Variants in PRICKLE1 observed in about 807,000 individuals in gnomAD.
PRICKLE1 encodes the protein prickle planar cell polarity protein 1, also known as prickle-like protein 1.
PRICKLE1 carries 14 observed loss-of-function variants against 70.2 expected under a neutral mutation model. The observed-to-expected ratio is 0.20, with a 90% CI of 0.13 to 0.31. The LOEUF is 0.31. PRICKLE1 is among the 10% of genes least tolerant of loss of function. The pLI is 1.00. For missense variants in PRICKLE1, 821 were observed against 1,026.2 expected (o/e 0.80, Z 2.73); for synonymous variants, 357 against 379.9 (o/e 0.94, Z 0.70).
intron 1 of PRICKLE1, among the ~76,000 whole-genome samples, chr12:42,532,351 C>T (rs12821783): frequency 0.072 from 10,991 of 152,010 alleles, 430 homozygotes; most frequent in East Asian, 0.12. Context: ...GGTTAAGAAC[C>T]GGTCAAATAA....
chr12:42,559,597 T>A (rs1168482048), intron 1 of PRICKLE1, among the ~76,000 whole-genome samples: 1 of 108,284 alleles, frequency 9.2e-6, no homozygotes, highest in Non-Finnish European at 1.9e-5. Flanking sequence ...TATGTGTGTG[T>A]GTGTGTGTGT....
chr12:42,553,585 G>A (rs1472629267), intron 1 of PRICKLE1, among the ~76,000 whole-genome samples: 1 of 152,080 alleles, frequency 6.6e-6, no homozygotes, highest in Non-Finnish European at 1.5e-5. Flanking sequence ...CCAGGGTAAC[G>A]TCACCTTGGG....
intron 1 of PRICKLE1, among the ~76,000 whole-genome samples, chr12:42,517,466 C>G (rs1209295515): frequency 6.6e-6 from 1 of 151,988 alleles, no homozygotes. Context: ...GCGCCCGCCA[C>G]CACGCCCAGC....
At chr12:42,567,775 C>G (rs1940644771) in intron 1 of PRICKLE1, among the ~76,000 whole-genome samples, 1 of 131,668 alleles carries the variant, frequency 7.6e-6, no homozygotes, top group Non-Finnish European at 1.5e-5. Flanking sequence ...TGCAGTGAGC[C>G]AAGATCGTGC....
At chr12:42,490,490 G>A (rs1939079476) in intron 1 of PRICKLE1, among the ~76,000 whole-genome samples, 1 of 152,234 alleles carries the variant, frequency 6.6e-6, no homozygotes, top group African/African-American at 2.4e-5. Context: ...AAGCAGAGAA[G>A]AGTGACATGG....
In PRICKLE1 at chr12:42,464,974, G is replaced by C; in HGVS notation, c.1060C>G (p.Pro354Ala). The C allele has an allele frequency of 6.2e-7, 1 of 1,614,086 alleles. No homozygotes were observed. The highest frequency in any genetic ancestry group is 8.5e-7 in the Non-Finnish European group (1 of 1,180,006). Residue 354 changes from proline (P) to alanine (A), a missense_variant, in exon 7 of 8, where the codon CCT becomes GCT. By Grantham distance (27) the Pro-to-Ala change is conservative (BLOSUM62 -1). Transcript: ENST00000345127. This position sits in a 1 kb window ranked among gnomAD's most constrained non-coding sequence, Gnocchi z 4.2. The part of the protein sequence containing the change: ...DQCRQSLLLS[P>A]ALNYKFPGLS... ...CCAGGAAACTTGTAGTTCAGAGCAG[G>C]CGATAAGAGGAGAGACTGTCTACAC...
At chr12:42,514,608 A>G (rs1328288847) in intron 1 of PRICKLE1, among the ~76,000 whole-genome samples, 1 of 152,220 alleles carries the variant, frequency 6.6e-6, no homozygotes, top group African/African-American at 2.4e-5. Flanking sequence ...AGGGCTTGTC[A>G]GATTGAAAGA....
At chr12:42,550,721 A>G (rs1940300392) in intron 1 of PRICKLE1, among the ~76,000 whole-genome samples, 1 of 152,200 alleles carries the variant, frequency 6.6e-6, no homozygotes, top group Non-Finnish European at 1.5e-5. Flanking sequence ...CACCATAAAA[A>G]CTTAGAACCA....
chr12:42,575,711 A>T (rs967985074), intron 1 of PRICKLE1, among the ~76,000 whole-genome samples: 19 of 152,206 alleles, frequency 1.2e-4, no homozygotes, highest in East Asian at 7.7e-4. Context: ...AATAAAAAAA[A>T]AAATAAAAAA....
chr12:42,563,084 GAGGC>G (rs2120713668), intron 1 of PRICKLE1, among the ~76,000 whole-genome samples: 2 of 152,100 alleles, frequency 1.3e-5, no homozygotes, highest in South Asian at 4.2e-4. Context: ...ACAGGAGGCT[GAGGC>G]AGGAGAATTG....
In PRICKLE1 at chr12:42,460,201, G is replaced by A. The variant is rs751021008; in HGVS notation, c.2104C>T (p.Arg702Trp). The stretch of plus-strand genomic sequence containing the variant: ...TCATAGTTATCGGGGGTGTACAGCC[G>A]CAGTCTGTCCTTGGGAGAGTATTTT... ...ERKYSPKDRL[R>W]LYTPDNYEKF... Residue 702 changes from arginine (R) to tryptophan (W), a missense_variant, in exon 8 of 8, where the codon CGG (arginine) becomes TGG (tryptophan). Arg to Trp is a moderately radical substitution (Grantham distance 101). Coordinates refer to ENST00000345127, the MANE Select transcript of PRICKLE1 (RefSeq NM_153026.3). 7 of 1,614,046 alleles carry A rather than the reference G, an allele frequency of 4.3e-6. No homozygotes were observed. Among genetic ancestry groups the A allele is most frequent in the Admixed American group, 1.7e-5 (1 of 60,022 alleles).
intron 1 of PRICKLE1, chr12:42,485,239 G>GTTTTTTTTTTT (rs556218718): frequency 1.3e-4 from 13 of 100,812 alleles, no homozygotes; most frequent in Non-Finnish European, 1.5e-4. Flanking sequence ...CAGCTGAGAA[G>GTTTTTTTTTTT]TTTTTTTTTT....
At chr12:42,487,665 G>T (rs2140166872) in intron 1 of PRICKLE1, among the ~76,000 whole-genome samples, 1 of 152,282 alleles carries the variant, frequency 6.6e-6, no homozygotes, top group Middle Eastern at 3.4e-3. Flanking sequence ...AAGGTGTTGT[G>T]TTTTTCATCT....
intron 1 of PRICKLE1, among the ~76,000 whole-genome samples, chr12:42,517,767 G>T (rs535334206): frequency 6.6e-5 from 10 of 152,144 alleles, no homozygotes; most frequent in African/African-American, 2.4e-4. Context: ...GAGAGGAGAG[G>T]AATTTCAGTT....
intron 1 of PRICKLE1, among the ~76,000 whole-genome samples, chr12:42,512,100 G>A (rs1393387123): frequency 7.1e-6 from 1 of 141,658 alleles, no homozygotes; most frequent in East Asian, 2.2e-4. Flanking sequence ...GTGCCTGAAT[G>A]CCCCAAAGGA....
At chr12:42,469,644 T>G (rs1938237835) in intron 3 of PRICKLE1, 57 bp from the exon 4 acceptor site, 1 of 1,609,026 alleles carries the variant, frequency 6.2e-7, no homozygotes, top group Non-Finnish European at 8.5e-7. Context: ...TCTCACCAGT[T>G]CTCTACTTCC....
intron 1 of PRICKLE1, among the ~76,000 whole-genome samples, chr12:42,566,376 C>T (rs1430244921): frequency 6.6e-6 from 1 of 152,062 alleles, no homozygotes; most frequent in African/African-American, 2.4e-5. Flanking sequence ...GAAGGATACA[C>T]ACGGTGGAGA....
chr12:42,530,673 T>C (rs1025955690), intron 1 of PRICKLE1, among the ~76,000 whole-genome samples: 1 of 139,752 alleles, frequency 7.2e-6, no homozygotes, highest in South Asian at 2.3e-4. Flanking sequence ...GTGTATTTTA[T>C]CAAATAATTT....
intron 1 of PRICKLE1, among the ~76,000 whole-genome samples, chr12:42,495,313 G>A (rs1939177185): frequency 6.7e-6 from 1 of 150,202 alleles, no homozygotes; most frequent in African/African-American, 2.5e-5. Flanking sequence ...TTGAGCCTGG[G>A]AGACAGAGGT....
Sources: gnomAD v4.1 joint callset for allele counts (sites outside exome capture counted in the v4.1 genomes callset) on GRCh38, gnomAD v4.1.1 for gene constraint, Gnocchi (gnomAD v3.1) non-coding constraint, MANE v1.5 for transcripts, NCBI Gene and HGNC (gene_info 2026-07-23, HGNC 2026-07-21) for gene names.